CACNA2D1: variants seen among roughly 807,000 people sequenced by gnomAD.
CACNA2D1 encodes voltage-dependent calcium channel subunit alpha-2/delta-1.
In CACNA2D1, 53 loss-of-function variants were observed where a neutral mutation model predicts 171.5. That is an observed-to-expected ratio of 0.31 (90% CI 0.25 to 0.39). The LOEUF (loss-of-function observed/expected upper bound fraction) is 0.39, where lower values mean the gene tolerates loss of function less well. Ranked by LOEUF, CACNA2D1 falls within the 10% of genes least tolerant of loss-of-function variation. CACNA2D1 has a pLI of 1.00. For missense variants in CACNA2D1, 903 were observed against 1,299.8 expected (o/e 0.69, Z 4.69); for synonymous variants, 442 against 443.1 (o/e 1.00, Z 0.03).
chr7:81,985,018 A>G (rs1012649481), intron 21 of CACNA2D1, among the ~76,000 whole-genome samples: 2 of 152,018 alleles, frequency 1.3e-5, no homozygotes, highest in Non-Finnish European at 2.9e-5. Context: ...CCAGAAAATT[A>G]TATTAAATTA....
intron 12 of CACNA2D1, among the ~76,000 whole-genome samples, chr7:82,015,963 C>T (rs1562872890): frequency 6.6e-6 from 1 of 152,142 alleles, no homozygotes; most frequent in East Asian, 1.9e-4. Flanking sequence ...TAGCTGGTTA[C>T]GTAAGAGGCC....
In CACNA2D1 at chr7:82,349,595, T is replaced by C; in HGVS notation, c.150A>G (p.Thr50=). The change falls in exon 2 of 39, where the codon ACA becomes ACG. Residue 50 remains threonine (T), a synonymous_variant. Coordinates refer to ENST00000356860, the MANE Select transcript of CACNA2D1 (RefSeq NM_000722.4). ...CAACAAGCTGATTGACTCCACTTGC[T>C]GTTTTTGCCAGTGTGACAAGGTCTT... The part of the protein sequence containing the change: ...MQEDLVTLAK[T]ASGVNQLVDI... 6.2e-7 allele frequency: 1 copy of C among 1,614,044 alleles called. No individual in the cohort carries two copies. The highest frequency in any genetic ancestry group is 1.7e-5 in the Admixed American group (1 of 60,028).
chr7:82,125,046 T>C (rs1258291787), intron 5 of CACNA2D1, among the ~76,000 whole-genome samples: 4 of 152,198 alleles, frequency 2.6e-5, no homozygotes, highest in Admixed American at 2.0e-4. Flanking sequence ...GATTGGGCAC[T>C]GAAAAAGACA....
chr7:82,320,129 T>C (rs1815635981), intron 3 of CACNA2D1, among the ~76,000 whole-genome samples: 1 of 152,100 alleles, frequency 6.6e-6, no homozygotes, highest in Admixed American at 6.5e-5. Context: ...CTGTTAATTC[T>C]GAACTGATTA....
chr7:81,984,476 T>C (rs1796755107), intron 22 of CACNA2D1, 159 bp downstream of exon 22: 2 of 654,798 alleles, frequency 3.1e-6, no homozygotes, highest in South Asian at 1.6e-5. Context: ...TTCTTGTTCC[T>C]TGCATGTTTG....
chr7:82,318,062 G>A (rs997381869), intron 3 of CACNA2D1, among the ~76,000 whole-genome samples: 1 of 151,868 alleles, frequency 6.6e-6, no homozygotes, highest in South Asian at 2.1e-4. Flanking sequence ...CTCACTAGTT[G>A]TAATTAAAAG....
At chr7:82,238,687 T>G (rs1238181165) in intron 3 of CACNA2D1, among the ~76,000 whole-genome samples, 1 of 152,020 alleles carries the variant, frequency 6.6e-6, no homozygotes. Flanking sequence ...ATCTATGAGG[T>G]TTTTTGAGAA....
chr7:82,148,607 C>T (rs1340505394), intron 4 of CACNA2D1, among the ~76,000 whole-genome samples: 1 of 152,148 alleles, frequency 6.6e-6, no homozygotes, highest in East Asian at 1.9e-4. Flanking sequence ...AACTCCCCAG[C>T]TTCCCTGCTT....
intron 1 of CACNA2D1, among the ~76,000 whole-genome samples, chr7:82,405,194 T>C (rs1372551691): frequency 1.3e-5 from 2 of 152,174 alleles, no homozygotes; most frequent in African/African-American, 4.8e-5. Context: ...GGACAATAAA[T>C]GCTCTCAATT....
chr7:82,278,817 T>C (rs1372912619), intron 3 of CACNA2D1, among the ~76,000 whole-genome samples: 3 of 152,146 alleles, frequency 2.0e-5, no homozygotes, highest in Admixed American at 6.5e-5. Context: ...TAAACCTTAA[T>C]GGCATCAAAG....
At chr7:82,261,000 G>A (rs773773562) in intron 3 of CACNA2D1, among the ~76,000 whole-genome samples, 49 of 151,518 alleles carry the variant, frequency 3.2e-4, no homozygotes, top group Non-Finnish European at 6.3e-4. Context: ...TATTGCCCAG[G>A]GTGGAGTGCA....
Position 82,293,798 on chromosome 7 carries a change from A to C in CACNA2D1, c.294+41337T>G, listed in dbSNP as rs998551940. 2.6e-5 allele frequency among the ~76,000 whole-genome samples: 4 copies of C among 152,270 alleles called. No homozygotes were observed. In the East Asian group the frequency reaches 5.8e-4, roughly 22 times the overall value. On this transcript the variant is annotated intron_variant, in intron 3 of 38. Transcript: ENST00000356860. The stretch of plus-strand genomic sequence containing the variant: ...TCAATGAATCTTTATGTTTTCAGCT[A>C]TATTTTGCACCCAGCTTTTTAAAGG...
At chr7:82,118,601 TTAAG>T (rs1344003059) in intron 5 of CACNA2D1, among the ~76,000 whole-genome samples, 2 of 152,072 alleles carry the variant, frequency 1.3e-5, no homozygotes, top group African/African-American at 4.8e-5. Context: ...CTATTAAGGT[TTAAG>T]TCTTTTCTAT....
intron 1 of CACNA2D1, among the ~76,000 whole-genome samples, chr7:82,423,915 C>T (rs1828943250): frequency 6.6e-6 from 1 of 152,068 alleles, no homozygotes; most frequent in Admixed American, 6.5e-5. Context: ...ACTTTTAAAA[C>T]AGTTTGGAAA....
chr7:82,223,318 G>A (rs1020061013), intron 3 of CACNA2D1, among the ~76,000 whole-genome samples: 8 of 152,062 alleles, frequency 5.3e-5, no homozygotes, highest in South Asian at 2.1e-4. Flanking sequence ...CCTCCAAAAC[G>A]TGCTATACAA....
intron 7 of CACNA2D1, among the ~76,000 whole-genome samples, chr7:82,081,697 A>G (rs1282211821): frequency 6.6e-6 from 1 of 152,214 alleles, no homozygotes; most frequent in African/African-American, 2.4e-5. Context: ...TTTGCCAGCC[A>G]GAGACCTCTG....
intron 1 of CACNA2D1, among the ~76,000 whole-genome samples, chr7:82,416,814 A>G (rs945481164): frequency 2.0e-5 from 3 of 152,180 alleles, no homozygotes; most frequent in Non-Finnish European, 4.4e-5. Context: ...TTGGGGGAGC[A>G]CAAGTCAACC....
chr7:82,177,153 A>G (rs976192849), intron 3 of CACNA2D1, among the ~76,000 whole-genome samples: 1 of 150,050 alleles, frequency 6.7e-6, no homozygotes, highest in Non-Finnish European at 1.5e-5. Context: ...GCACAGAAAT[A>G]GTCTCGAGCC....
chr7:82,205,258 A>G (rs1038172009), intron 3 of CACNA2D1, among the ~76,000 whole-genome samples: 2 of 152,220 alleles, frequency 1.3e-5, no homozygotes, highest in Non-Finnish European at 2.9e-5. Flanking sequence ...TAAAGAATAT[A>G]GATTTATATA....
Sources: allele counts gnomAD v4.1 joint callset (sites outside exome capture counted in the v4.1 genomes callset), GRCh38; gene constraint gnomAD v4.1.1; transcripts MANE v1.5; gene names NCBI Gene and HGNC (gene_info 2026-07-23, HGNC 2026-07-21).